The following PADI2 variants were observed in gnomAD, a reference collection of about 807,000 sequenced individuals.
The protein encoded by PADI2 is protein-arginine deiminase type-2.
A neutral mutation model predicts 81.1 loss-of-function variants in PADI2; 70 were observed. The ratio of observed to expected loss-of-function variants is 0.86; its 90% CI spans 0.71 to 1.05. PADI2 has a LOEUF of 1.05. Among genes scored for constraint, PADI2 ranks in the 50% least tolerant of loss-of-function variants. The pLI, the probability that PADI2 is intolerant of heterozygous loss-of-function variation, is 0.00. For synonymous variants in PADI2, 338 were observed against 358.0 expected (o/e 0.94, Z 0.63); for missense variants, 853 against 889.9 (o/e 0.96, Z 0.53).
intron 8 of PADI2, 76 bp downstream of exon 8, chr1:17,084,523 A>G: frequency 1.2e-6 from 1 of 839,294 alleles, no homozygotes. Flanking sequence ...GGGGCCAGGA[A>G]CTAGACTCAT....
rs747711026 is a variant in PADI2, at chr1:17,071,453, T to C, written c.1588A>G (p.Lys530Glu). ...GMSSKRITIN[K>E]ILSNESLVQE... ...ACAAGGCTCTCGTTGGACAGAATCT[T>C]GTTGATGGTGATTCGCTTGCTGCTC... The change falls in exon 14 of 16, where the codon AAG (lysine) becomes GAG (glutamate). Residue 530 changes from lysine (K) to glutamate (E), a missense_variant. Coordinates refer to ENST00000375486, the MANE Select transcript of PADI2 (RefSeq NM_007365.3). 1 of 1,614,118 alleles carries C rather than the reference T, an allele frequency of 6.2e-7. No homozygotes were observed. Among genetic ancestry groups the C allele is most frequent in the South Asian group, 1.1e-5 (1 of 91,080 alleles).
At chr1:17,100,412 G>A (rs1003462133) in intron 3 of PADI2, among the ~76,000 whole-genome samples, 1 of 152,024 alleles carries the variant, frequency 6.6e-6, no homozygotes, top group South Asian at 2.1e-4. Context: ...AGCCTCCTGA[G>A]TAGCTGGGAT....
intron 3 of PADI2, among the ~76,000 whole-genome samples, chr1:17,097,716 C>T (rs955548739): frequency 6.6e-6 from 1 of 152,066 alleles, no homozygotes; most frequent in Non-Finnish European, 1.5e-5. Context: ...GAGGCTGGTG[C>T]AGGATAAGGA....
intron 3 of PADI2, among the ~76,000 whole-genome samples, chr1:17,100,043 G>GC (rs1557769233): frequency 2.2e-5 from 2 of 92,314 alleles, no homozygotes; most frequent in African/African-American, 9.6e-5. Flanking sequence ...AGATATTGGG[G>GC]TTGGGGGGGG....
intron 7 of PADI2, 34 bp from the exon 8 acceptor site, chr1:17,084,736 AG>A: frequency 1.5e-6 from 2 of 1,311,716 alleles, no homozygotes; most frequent in South Asian, 2.6e-5. Flanking sequence ...GGGGATCAAA[AG>A]GTTTTGTCAG....
At chr1:17,100,580 C>A (rs908115419) in intron 3 of PADI2, among the ~76,000 whole-genome samples, 1 of 151,140 alleles carries the variant, frequency 6.6e-6, no homozygotes, top group African/African-American at 2.4e-5. Context: ...CCACTGTGCC[C>A]GGCCATGACT....
At chr1:17,094,493 C>T (rs966586364) in intron 4 of PADI2, among the ~76,000 whole-genome samples, 1 of 152,170 alleles carries the variant, frequency 6.6e-6, no homozygotes, top group African/African-American at 2.4e-5. Context: ...AGAGCAGCTT[C>T]CCCGGGTCCA....
chr1:17,113,848 A>G (rs756878598), intron 1 of PADI2, among the ~76,000 whole-genome samples: 1 of 152,152 alleles, frequency 6.6e-6, no homozygotes, highest in East Asian at 1.9e-4. Context: ...TGCAGCAGGT[A>G]TGTCTGGCCA....
chr1:17,085,099 GCAACAGCTGAGCCAGC>G (rs1557762910), intron 7 of PADI2, among the ~76,000 whole-genome samples: 1 of 152,186 alleles, frequency 6.6e-6, no homozygotes, highest in Non-Finnish European at 1.5e-5. Flanking sequence ...ATCGCCCCAC[GCAACAGCTGAGCCAGC>G]CCCCCACCTT....
At chr1:17,090,518 C>G (rs1930649851) in intron 6 of PADI2, among the ~76,000 whole-genome samples, 1 of 151,748 alleles carries the variant, frequency 6.6e-6, no homozygotes, top group Non-Finnish European at 1.5e-5. Context: ...TGACATAACT[C>G]CAAAGTGTTT....
intron 1 of PADI2, among the ~76,000 whole-genome samples, chr1:17,107,838 G>A (rs1050696869): frequency 2.6e-5 from 4 of 152,092 alleles, no homozygotes; most frequent in Non-Finnish European, 5.9e-5. Context: ...ACACCCCAAG[G>A]TCACTCTGGT....
At chr1:17,085,098 C>T (rs562219624) in intron 7 of PADI2, among the ~76,000 whole-genome samples, 9 of 152,252 alleles carry the variant, frequency 5.9e-5, no homozygotes, top group African/African-American at 1.4e-4. Context: ...AATCGCCCCA[C>T]GCAACAGCTG....
At chr1:17,113,890 C>T (rs1931670330) in intron 1 of PADI2, among the ~76,000 whole-genome samples, 1 of 152,184 alleles carries the variant, frequency 6.6e-6, no homozygotes, top group Non-Finnish European at 1.5e-5. Context: ...GAGCCCCTGC[C>T]ACTGTGCTCC....
intron 9 of PADI2, chr1:17,083,385 T>C (rs937756974): frequency 8.3e-6 from 2 of 240,584 alleles, no homozygotes; most frequent in Non-Finnish European, 1.6e-5. Context: ...GCATCCTGAA[T>C]ATGTTTTCCG....
chr1:17,108,269 C>T (rs1303540282), intron 1 of PADI2, among the ~76,000 whole-genome samples: 1 of 152,034 alleles, frequency 6.6e-6, no homozygotes, highest in African/African-American at 2.4e-5. Flanking sequence ...TTAAGAGGGG[C>T]ACAGAGTCTG....
At chr1:17,107,976 T>G in intron 1 of PADI2, among the ~76,000 whole-genome samples, 2 of 143,526 alleles carry the variant, frequency 1.4e-5, no homozygotes, top group East Asian at 2.0e-4. Context: ...TGAGGAGGAG[T>G]CTCTCTCTGT....
intron 7 of PADI2, among the ~76,000 whole-genome samples, chr1:17,085,989 C>T (rs1930381200): frequency 6.6e-6 from 1 of 152,224 alleles, no homozygotes; most frequent in Admixed American, 6.5e-5. Flanking sequence ...CTCTTCTCCT[C>T]ATCCAGTTTC....
chr1:17,111,913 G>T (rs1386904514), intron 1 of PADI2, among the ~76,000 whole-genome samples: 1 of 152,190 alleles, frequency 6.6e-6, no homozygotes, highest in Non-Finnish European at 1.5e-5. Context: ...GAGTGTGTCT[G>T]GAGTTTGTGA....
chr1:17,098,238 A>G (rs1227130244), intron 3 of PADI2, among the ~76,000 whole-genome samples: 1 of 152,024 alleles, frequency 6.6e-6, no homozygotes, highest in Non-Finnish European at 1.5e-5. Flanking sequence ...AAGACACAAG[A>G]CTTGCTCCCT....
Sources: allele counts gnomAD v4.1 joint callset (sites outside exome capture counted in the v4.1 genomes callset), GRCh38; gene constraint gnomAD v4.1.1; transcripts MANE v1.5; gene names NCBI Gene and HGNC (gene_info 2026-07-23, HGNC 2026-07-21).